The following CSNK1G2 variants were observed in gnomAD, a reference collection of about 807,000 sequenced individuals.
The protein encoded by CSNK1G2 is casein kinase 1 gamma 2, also known as casein kinase I isoform gamma-2.
Under a neutral mutation model 48.0 loss-of-function variants are expected in CSNK1G2, and 11 were observed. That is an observed-to-expected ratio of 0.23 (90% CI 0.14 to 0.38). CSNK1G2 has a LOEUF of 0.38. Among genes scored for constraint, CSNK1G2 ranks in the 10% least tolerant of loss-of-function variants. The pLI is 1.00. For synonymous variants in CSNK1G2, 337 were observed against 254.1 expected, an observed-to-expected ratio of 1.33 and a Z score of -3.10; for missense variants, 446 against 595.5, an observed-to-expected ratio of 0.75 and a Z score of 2.61.
intron 1 of CSNK1G2, among the ~76,000 whole-genome samples, chr19:1,956,875 C>T (rs570879005): frequency 5.3e-5 from 8 of 152,146 alleles, no homozygotes; most frequent in African/African-American, 1.2e-4. Context: ...GGCTCAGCCT[C>T]GATGAACCTG....
intron 1 of CSNK1G2, chr19:1,954,063 C>G: frequency 1.9e-6 from 1 of 512,848 alleles, no homozygotes; most frequent in Non-Finnish European, 4.1e-6. Context: ...CAGCTTCCTC[C>G]CATGGGGTGG....
chr19:1,955,607 T>C (rs933850846), intron 1 of CSNK1G2, among the ~76,000 whole-genome samples: 29 of 150,460 alleles, frequency 1.9e-4, no homozygotes, highest in Non-Finnish European at 4.0e-4. Flanking sequence ...CATGTCAGGC[T>C]TAGGGTGGGT....
intron 1 of CSNK1G2, among the ~76,000 whole-genome samples, chr19:1,956,496 G>T (rs910213083): frequency 3.9e-5 from 6 of 152,178 alleles, no homozygotes; most frequent in Non-Finnish European, 4.4e-5. Context: ...CAGCCTGGGT[G>T]ATGGAGCTAG....
chr19:1,946,274 ATTTATTTATTTATTT>A (rs1251128995), intron 1 of CSNK1G2, among the ~76,000 whole-genome samples: 15 of 147,582 alleles, frequency 1.0e-4, no homozygotes, highest in African/African-American at 1.5e-4. Context: ...TCGTTTATTT[ATTTATTTATTTATTT>A]TTTATTTATT....
intron 1 of CSNK1G2, among the ~76,000 whole-genome samples, chr19:1,943,967 G>T (rs897172287): frequency 1.3e-5 from 2 of 152,172 alleles, no homozygotes; most frequent in Non-Finnish European, 2.9e-5. Flanking sequence ...TGCGGGCCTC[G>T]GGTGGCAGTG....
In CSNK1G2 at chr19:1,963,336, C is replaced by T. The variant is rs549984391; in HGVS notation, c.-265-6172C>T. 1.3e-3 allele frequency among the ~76,000 whole-genome samples: 192 copies of T among 152,136 alleles called. 1 individual carries two copies. The highest frequency in any genetic ancestry group is 5.1e-4 in the Non-Finnish European group (35 of 67,992). Reference sequence around the variant, plus strand: ...ATGCCATTCTCCTGCCTCACCCTCCCGAGTAGCTGGGAGTACAGGTGCCCG... The same window carrying T: ...ATGCCATTCTCCTGCCTCACCCTCCTGAGTAGCTGGGAGTACAGGTGCCCG... On this transcript the variant is annotated intron_variant, in intron 1 of 11. Transcript: ENST00000255641.
intron 1 of CSNK1G2, among the ~76,000 whole-genome samples, chr19:1,945,167 C>T (rs1028653997): frequency 6.6e-6 from 1 of 152,224 alleles, no homozygotes; most frequent in African/African-American, 2.4e-5. Context: ...TGGGGCCCTG[C>T]ACCAGCCTGT....
Position 1,979,507 on chromosome 19 carries a change from C to G in CSNK1G2, c.866C>G (p.Thr289Arg), listed in dbSNP as rs1043790735. ...GCTCTCTCTGCAGAGGAGATGGCCACGTACCTGCGCTATGTGCGGCGCCTG... is the reference window on the plus strand; with the variant it reads ...GCTCTCTCTGCAGAGGAGATGGCCAGGTACCTGCGCTATGTGCGGCGCCTG... The part of the protein sequence containing the change: ...LCENFPEEMA[T>R]YLRYVRRLDF... The change falls in exon 9 of 12, where the codon ACG becomes AGG. Residue 289 changes from threonine (T) to arginine (R), a missense_variant. Coordinates refer to ENST00000255641, the MANE Select transcript of CSNK1G2 (RefSeq NM_001319.7). The G allele has an allele frequency of 1.4e-6, 2 of 1,477,224 alleles. No individual in the cohort carries two copies. The highest frequency in any genetic ancestry group is 1.8e-6 in the Non-Finnish European group (2 of 1,098,288). 91.5% of individuals were successfully genotyped at this position (1,477,224 alleles called of 1,614,324 possible). A position where few individuals can be genotyped will look rare whatever the true frequency, so the allele number is the denominator to read the frequency against.
intron 1 of CSNK1G2, among the ~76,000 whole-genome samples, chr19:1,943,909 G>A (rs879634265): frequency 2.0e-5 from 3 of 152,230 alleles, no homozygotes; most frequent in Non-Finnish European, 4.4e-5. Flanking sequence ...TGGAGGCAGC[G>A]CTGTGGGTGC....
At chr19:1,943,384 C>T (rs552887271) in intron 1 of CSNK1G2, among the ~76,000 whole-genome samples, 6 of 152,170 alleles carry the variant, frequency 3.9e-5, no homozygotes, top group Non-Finnish European at 7.3e-5. Context: ...CAGGATGGCC[C>T]GCGATGGTGC....
At chr19:1,950,068 G>A (rs1054380986) in intron 1 of CSNK1G2, among the ~76,000 whole-genome samples, 2 of 152,190 alleles carry the variant, frequency 1.3e-5, no homozygotes, top group African/African-American at 4.8e-5. Flanking sequence ...CAGGATCATC[G>A]AGGTGGCCCT....
chr19:1,967,759 C>CTTGCTGGG (rs2015415290), intron 1 of CSNK1G2, among the ~76,000 whole-genome samples: 1 of 64,628 alleles, frequency 1.5e-5, no homozygotes, highest in African/African-American at 9.0e-5. Context: ...AGGCTGCCCC[C>CTTGCTGGG]GACCACCCTT....
At chr19:1,946,705 C>T (rs941182960) in intron 1 of CSNK1G2, among the ~76,000 whole-genome samples, 2 of 145,642 alleles carry the variant, frequency 1.4e-5, no homozygotes, top group African/African-American at 5.1e-5. Context: ...CTCCGCCTCC[C>T]GGGTTCACGC....
At chr19:1,969,402 C>T (rs2145572081) in intron 1 of CSNK1G2, 106 bp from the exon 2 acceptor site, 1 of 169,012 alleles carries the variant, frequency 5.9e-6, no homozygotes, top group East Asian at 1.6e-4. Context: ...GAGCTCCTTC[C>T]AGCCCAGCAG....
At chr19:1,941,855 C>T (rs1041561397) in intron 1 of CSNK1G2, among the ~76,000 whole-genome samples, 1 of 150,970 alleles carries the variant, frequency 6.6e-6, no homozygotes, top group Non-Finnish European at 1.5e-5. Context: ...AGTCCCCACC[C>T]CACCTCCCGC....
At chr19:1,941,811 G>T (rs1374294957) in intron 1 of CSNK1G2, among the ~76,000 whole-genome samples, 7 of 132,730 alleles carry the variant, frequency 5.3e-5, no homozygotes, top group Non-Finnish European at 9.5e-5. Context: ...GGTGACTGTC[G>T]TGCTCCAACT....
At chr19:1,960,156 C>T (rs140105549) in intron 1 of CSNK1G2, among the ~76,000 whole-genome samples, 1 of 152,334 alleles carries the variant, frequency 6.6e-6, no homozygotes, top group East Asian at 1.9e-4. Context: ...TGCGTCAGCA[C>T]AGGGGCGTGT....
intron 1 of CSNK1G2, among the ~76,000 whole-genome samples, chr19:1,943,368 C>T (rs956284047): frequency 3.9e-5 from 6 of 152,120 alleles, no homozygotes; most frequent in Non-Finnish European, 7.4e-5. Context: ...GGAGCCAGGC[C>T]GTTTGCAGGA....
Position 1,978,389 on chromosome 19 carries a change from G to A in CSNK1G2, c.228+44G>A. ...CCCACCCCCGCTGACGTGCCCCCCA[G>A]GGATTTCAGGGCAGCGACCCGGTCC... On this transcript the variant is annotated intron_variant, in intron 3 of 11. Coordinates refer to ENST00000255641, the MANE Select transcript of CSNK1G2 (RefSeq NM_001319.7). The surrounding 1 kb of genome is among the most constrained non-coding windows in gnomAD (Gnocchi z 7.3). 6.2e-7 allele frequency: 1 copy of A among 1,612,182 alleles called. No individual in the cohort carries two copies. Among genetic ancestry groups the A allele is most frequent in the Non-Finnish European group, 8.5e-7 (1 of 1,179,178 alleles).
Sources: gnomAD v4.1 joint callset for allele counts (sites outside exome capture counted in the v4.1 genomes callset) on GRCh38, gnomAD v4.1.1 for gene constraint, Gnocchi (gnomAD v3.1) non-coding constraint, MANE v1.5 for transcripts, NCBI Gene and HGNC (gene_info 2026-07-23, HGNC 2026-07-21) for gene names.